The following MACROD2 variants were observed in gnomAD, a reference collection of about 807,000 sequenced individuals.
MACROD2 encodes the protein ADP-ribose glycohydrolase MACROD2.
MACROD2 carries 36 observed loss-of-function variants against 70.4 expected under a neutral mutation model. That is an observed-to-expected ratio of 0.51 (90% CI 0.39 to 0.68). The LOEUF (loss-of-function observed/expected upper bound fraction) is 0.68. Ranked by LOEUF, MACROD2 falls within the 30% of genes least tolerant of loss-of-function variation. The pLI is 0.00. For missense variants in MACROD2, 496 were observed against 538.4 expected (o/e 0.92, Z 0.78); for synonymous variants, 172 against 178.8 (o/e 0.96, Z 0.30).
At chr20:14,354,700 T>G (rs1240875222) in intron 3 of MACROD2, among the ~76,000 whole-genome samples, 1 of 152,196 alleles carries the variant, frequency 6.6e-6, no homozygotes, top group Non-Finnish European at 1.5e-5. Context: ...AATGATCTTA[T>G]CACATAGGCC....
intron 15 of MACROD2, among the ~76,000 whole-genome samples, chr20:16,010,191 G>A (rs2066844576): frequency 6.6e-6 from 1 of 152,186 alleles, no homozygotes. Flanking sequence ...GAGCATGTGA[G>A]TGAGTGGGTC....
chr20:14,850,887 T>C (rs1460177857), intron 5 of MACROD2, among the ~76,000 whole-genome samples: 1 of 152,022 alleles, frequency 6.6e-6, no homozygotes, highest in Non-Finnish European at 1.5e-5. Context: ...AAAAAGATAA[T>C]AGTGTTTTAG....
At chr20:14,003,702 C>G (rs887519490) in intron 2 of MACROD2, 3 of 481,214 alleles carry the variant, frequency 6.2e-6, no homozygotes, top group African/African-American at 6.0e-5. Flanking sequence ...CACAGTGTAA[C>G]AGGGTCTCCT....
At chr20:14,076,693 C>G (rs1188800773) in intron 2 of MACROD2, among the ~76,000 whole-genome samples, 1 of 151,790 alleles carries the variant, frequency 6.6e-6, no homozygotes, top group East Asian at 1.9e-4. Context: ...CCTTCCACCC[C>G]CCAAAGAAGT....
rs375067876 is a variant in MACROD2 at position 14,570,896 on chromosome 20, A to G, written c.301+77388A>G. 1.1e-4 allele frequency among the ~76,000 whole-genome samples: 16 copies of G among 152,156 alleles called. 1 individual carries two copies. In the East Asian group the frequency reaches 2.3e-3, roughly 22 times the overall value. On this transcript the variant is annotated intron_variant, in intron 4 of 17. Transcript: ENST00000684519. ...TATGTGATTTTTTTTTACAGCAGCC[A>G]AGAATGATGTAGCCTGGTTTATTCC...
intron 3 of MACROD2, among the ~76,000 whole-genome samples, chr20:14,184,384 A>G (rs751792036): frequency 1.3e-5 from 2 of 152,076 alleles, no homozygotes; most frequent in African/African-American, 2.4e-5. Flanking sequence ...GCATTGGTCA[A>G]TGTGTCTGTT....
chr20:14,754,269 ATGC>A, intron 5 of MACROD2, among the ~76,000 whole-genome samples: 1 of 152,236 alleles, frequency 6.6e-6, no homozygotes, highest in African/African-American at 2.4e-5. Context: ...TTATTTAAAA[ATGC>A]AGTTATTTTC....
At chr20:15,683,271 G>A (rs1418025528) in intron 8 of MACROD2, among the ~76,000 whole-genome samples, 1 of 151,944 alleles carries the variant, frequency 6.6e-6, no homozygotes, top group Non-Finnish European at 1.5e-5. Flanking sequence ...TGCCTCTTTG[G>A]GCAATCTTTT....
intron 5 of MACROD2, among the ~76,000 whole-genome samples, chr20:15,000,447 C>T (rs2074984722): frequency 7.5e-6 from 1 of 132,716 alleles, no homozygotes; most frequent in Non-Finnish European, 1.5e-5. Context: ...CACGGTGAAA[C>T]CCCGTCTCTA....
chr20:15,842,774 A>C (rs2064188300), intron 8 of MACROD2, among the ~76,000 whole-genome samples: 1 of 144,848 alleles, frequency 6.9e-6, no homozygotes, highest in South Asian at 2.2e-4. Flanking sequence ...CTGAATTGTA[A>C]GTGGTTTGGA....
chr20:14,506,811 C>T (rs1285779546), intron 4 of MACROD2, among the ~76,000 whole-genome samples: 1 of 152,032 alleles, frequency 6.6e-6, no homozygotes, highest in East Asian at 1.9e-4. Context: ...ATTAGCCGGA[C>T]GTGGTGGCAC....
At chr20:15,937,375 C>A in intron 11 of MACROD2, 101 bp from the exon 12 acceptor site, 1 of 1,027,890 alleles carries the variant, frequency 9.7e-7, no homozygotes, top group Non-Finnish European at 1.5e-6. Context: ...CAGGCTCATG[C>A]TTTCTTTGGT....
chr20:15,665,365 C>T (rs887312403), intron 8 of MACROD2, among the ~76,000 whole-genome samples: 3 of 152,082 alleles, frequency 2.0e-5, no homozygotes, highest in Admixed American at 1.3e-4. Flanking sequence ...TTCCTATCTT[C>T]AACAAATAAT....
chr20:14,923,068 T>C (rs1411118005), intron 5 of MACROD2, among the ~76,000 whole-genome samples: 1 of 152,174 alleles, frequency 6.6e-6, no homozygotes, highest in Non-Finnish European at 1.5e-5. Flanking sequence ...TCATTCTCAA[T>C]TGCCAGCGGT....
intron 12 of MACROD2, 100 bp downstream of exon 12, chr20:15,937,644 A>G: frequency 9.3e-7 from 1 of 1,073,702 alleles, no homozygotes; most frequent in Non-Finnish European, 1.4e-6. Flanking sequence ...AAATATAACT[A>G]GGTTTTCTTA....
chr20:14,751,464 A>G (rs1412451363), intron 5 of MACROD2, among the ~76,000 whole-genome samples: 1 of 152,142 alleles, frequency 6.6e-6, no homozygotes, highest in East Asian at 1.9e-4. Flanking sequence ...TGTACCAATT[A>G]GTGACCGACA....
chr20:14,742,186 A>G (rs1158528569), intron 5 of MACROD2, among the ~76,000 whole-genome samples: 1 of 152,140 alleles, frequency 6.6e-6, no homozygotes, highest in East Asian at 1.9e-4. Context: ...GCCAATTTTG[A>G]GCTGAGGTTG....
At chr20:14,123,023 A>G (rs1469540734) in intron 3 of MACROD2, among the ~76,000 whole-genome samples, 1 of 152,186 alleles carries the variant, frequency 6.6e-6, no homozygotes, top group Non-Finnish European at 1.5e-5. Flanking sequence ...AAGAGAATGA[A>G]GCTAGTTCTG....
chr20:14,173,522 G>A (rs2081240185), intron 3 of MACROD2, among the ~76,000 whole-genome samples: 1 of 151,818 alleles, frequency 6.6e-6, no homozygotes. Context: ...TTCAGATCTT[G>A]TATTATTTTT....
Sources: gnomAD v4.1 joint callset for allele counts (sites outside exome capture counted in the v4.1 genomes callset) on GRCh38, gnomAD v4.1.1 for gene constraint, MANE v1.5 for transcripts, NCBI Gene and HGNC (gene_info 2026-07-23, HGNC 2026-07-21) for gene names.